The following CHL1 variants were observed in gnomAD, a reference collection of about 807,000 sequenced individuals.
CHL1 encodes the protein neural cell adhesion molecule L1-like protein.
Under a neutral mutation model 141.9 loss-of-function variants are expected in CHL1, and 96 were observed. That is an observed-to-expected ratio of 0.68 (90% CI 0.57 to 0.80). The LOEUF (loss-of-function observed/expected upper bound fraction) is 0.80. Ranked by LOEUF, CHL1 falls within the 30% of genes least tolerant of loss-of-function variation. The pLI is 0.00. For synonymous variants in CHL1, 613 were observed against 502.2 expected (o/e 1.22, Z -2.95); for missense variants, 1,820 against 1,457.2 (o/e 1.25, Z -4.05).
chr3:324,765 T>G (rs1012667248), intron 3 of CHL1, among the ~76,000 whole-genome samples: 2 of 151,900 alleles, frequency 1.3e-5, no homozygotes, highest in African/African-American at 4.8e-5. Context: ...TTTTTACATT[T>G]TTTTGTAGGG....
At chr3:210,137 T>G (rs892986576) in intron 1 of CHL1, among the ~76,000 whole-genome samples, 5 of 152,232 alleles carry the variant, frequency 3.3e-5, no homozygotes, top group African/African-American at 1.2e-4. Context: ...GAAAAGTACC[T>G]GAAAGCTTGT....
At chr3:273,431 A>C (rs1695814108) in intron 2 of CHL1, among the ~76,000 whole-genome samples, 1 of 152,168 alleles carries the variant, frequency 6.6e-6, no homozygotes, top group Non-Finnish European at 1.5e-5. Context: ...CATAAAGACA[A>C]TTATCACTCC....
intron 2 of CHL1, among the ~76,000 whole-genome samples, chr3:289,992 T>C (rs958518773): frequency 7.0e-6 from 1 of 142,590 alleles, no homozygotes; most frequent in Non-Finnish European, 1.5e-5. Flanking sequence ...TGGAGTGCAG[T>C]ATACTCACAG....
Position 342,967 on chromosome 3 carries a change from C to T in CHL1, c.680-17C>T. ...ACCATTATGTTTGTGTTTTTTCCTT[C>T]CGTTTTTTTATTTCAGTAAAGCATG... On this transcript the variant is annotated splice_polypyrimidine_tract_variant and intron_variant, in intron 7 of 27. Coordinates refer to ENST00000256509, the MANE Select transcript of CHL1 (RefSeq NM_006614.4). The T allele has an allele frequency of 1.3e-6, 2 of 1,591,884 alleles. No homozygotes were observed. The highest frequency in any genetic ancestry group is 1.2e-5 in the South Asian group (1 of 86,576).
At chr3:367,477 C>T (rs6763169) in intron 15 of CHL1, among the ~76,000 whole-genome samples, 7 of 152,042 alleles carry the variant, frequency 4.6e-5, no homozygotes, top group Non-Finnish European at 1.0e-4. Flanking sequence ...AATCCCATAA[C>T]ATAGTTTGAA....
chr3:342,687 A>T (rs887452336), intron 7 of CHL1, among the ~76,000 whole-genome samples: 2 of 152,086 alleles, frequency 1.3e-5, no homozygotes, highest in Non-Finnish European at 2.9e-5. Context: ...TTGGTCCATG[A>T]TTTTTTCATT....
intron 2 of CHL1, among the ~76,000 whole-genome samples, chr3:276,706 G>C (rs879666005): frequency 6.6e-6 from 1 of 151,804 alleles, no homozygotes; most frequent in East Asian, 1.9e-4. Flanking sequence ...TGGCTAACAG[G>C]GTGAAATCCC....
At chr3:383,637 T>C (rs1156971310) in intron 18 of CHL1, among the ~76,000 whole-genome samples, 179 bp from the exon 19 acceptor site, 2 of 152,170 alleles carry the variant, frequency 1.3e-5, no homozygotes, top group African/African-American at 2.4e-5. Flanking sequence ...TTTACTCTTT[T>C]AAATAAAATA....
At chr3:334,441 C>T (rs887183857) in intron 5 of CHL1, among the ~76,000 whole-genome samples, 1 of 152,154 alleles carries the variant, frequency 6.6e-6, no homozygotes, top group African/African-American at 2.4e-5. Flanking sequence ...CAGTCACTCT[C>T]TGTTCCCATC....
intron 1 of CHL1, among the ~76,000 whole-genome samples, chr3:236,739 C>T (rs1244477711): frequency 3.4e-5 from 5 of 145,428 alleles, no homozygotes; most frequent in African/African-American, 1.4e-4. Flanking sequence ...TTGTATTCAT[C>T]TTTCCACACT....
In CHL1 at chr3:382,818, T is replaced by C. The variant is rs376358549; in HGVS notation, c.2176+147T>C. 9 of 693,010 alleles carry C rather than the reference T, an allele frequency of 1.3e-5. No individual in the cohort carries two copies. In the East Asian group the frequency reaches 1.9e-4, roughly 15 times the overall value. 42.9% of individuals were successfully genotyped at this position (693,010 alleles called of 1,614,324 possible). On this transcript the variant is annotated intron_variant, in intron 18 of 27. Transcript: ENST00000256509. ...AGTTCTCTAAACAGCACACAAAATA[T>C]TCAAAGCACACAAGTTTCAGAAGTG...
intron 2 of CHL1, among the ~76,000 whole-genome samples, chr3:252,598 G>A (rs1030685014): frequency 3.3e-5 from 5 of 151,400 alleles, no homozygotes; most frequent in Middle Eastern, 3.4e-3. Context: ...TATATTTATC[G>A]AGTGAAAATT....
intron 2 of CHL1, among the ~76,000 whole-genome samples, chr3:308,070 C>T (rs1168655737): frequency 2.0e-5 from 3 of 151,974 alleles, no homozygotes; most frequent in African/African-American, 7.3e-5. Flanking sequence ...TGTGAGAAGC[C>T]CAGCAATGTT....
intron 6 of CHL1, among the ~76,000 whole-genome samples, 161 bp downstream of exon 6, chr3:341,077 G>T (rs1267519582): frequency 6.6e-6 from 1 of 152,122 alleles, no homozygotes; most frequent in Non-Finnish European, 1.5e-5. Flanking sequence ...TGTCTGTGAA[G>T]ACAATACTTC....
chr3:231,523 T>C (rs1192488507), intron 1 of CHL1, among the ~76,000 whole-genome samples: 1 of 151,976 alleles, frequency 6.6e-6, no homozygotes, highest in Non-Finnish European at 1.5e-5. Flanking sequence ...AAGAAGTTTA[T>C]ATTCATTGAA....
intron 2 of CHL1, among the ~76,000 whole-genome samples, chr3:288,814 A>T (rs1418686080): frequency 6.6e-6 from 1 of 152,246 alleles, no homozygotes; most frequent in South Asian, 2.1e-4. Context: ...AAGACAGCTT[A>T]TCATTAAATA....
intron 17 of CHL1, 57 bp from the exon 18 acceptor site, chr3:382,417 G>A: frequency 1.3e-6 from 2 of 1,508,664 alleles, no homozygotes; most frequent in South Asian, 1.1e-5. Flanking sequence ...ATAAATTTTG[G>A]TATAACTTAT....
chr3:342,095 A>G lies in CHL1; in HGVS notation c.679+13A>G. On this transcript the variant is annotated intron_variant, in intron 7 of 27. Transcript: ENST00000256509. ...ACAGTTAACAGTTGTAAGTCCACATAATTTATCGTTTCATCATGTATGCTG... is the reference window on the plus strand; with the variant it reads ...ACAGTTAACAGTTGTAAGTCCACATGATTTATCGTTTCATCATGTATGCTG... The G allele has an allele frequency of 6.3e-7, 1 of 1,596,568 alleles. No individual in the cohort carries two copies. Among genetic ancestry groups the G allele is most frequent in the South Asian group, 1.1e-5 (1 of 89,830 alleles).
intron 2 of CHL1, among the ~76,000 whole-genome samples, chr3:303,851 G>T (rs1269604869): frequency 6.6e-6 from 1 of 152,144 alleles, no homozygotes; most frequent in African/African-American, 2.4e-5. Flanking sequence ...GTATGATATT[G>T]GTTGTGGGTT....
Sources: gnomAD v4.1 joint callset for allele counts (sites outside exome capture counted in the v4.1 genomes callset) on GRCh38, gnomAD v4.1.1 for gene constraint, MANE v1.5 for transcripts, NCBI Gene and HGNC (gene_info 2026-07-23, HGNC 2026-07-21) for gene names.